PTK2: variants seen among roughly 807,000 people sequenced by gnomAD.
PTK2 encodes focal adhesion kinase 1.
A neutral mutation model predicts 150.1 loss-of-function variants in PTK2; 45 were observed. The observed-to-expected ratio is 0.30, with a 90% CI of 0.24 to 0.38. PTK2 has a LOEUF of 0.38. Ranked by LOEUF, PTK2 falls within the 10% of genes least tolerant of loss-of-function variation. The pLI, the probability that PTK2 is intolerant of heterozygous loss-of-function variation, is 1.00. For synonymous variants in PTK2, 432 were observed against 449.2 expected (o/e 0.96, Z 0.48); for missense variants, 919 against 1,307.3 (o/e 0.70, Z 4.58).
chr8:140,890,856 A>G (rs2100153992), intron 2 of PTK2, 87 bp from the exon 3 acceptor site: 1 of 1,138,378 alleles, frequency 8.8e-7, no homozygotes, highest in African/African-American at 1.5e-5. Context: ...CAAATGTCCT[A>G]TACTCTCTCT....
At chr8:140,717,447 G>A (rs577708910) in intron 23 of PTK2, 151 bp downstream of exon 26, 5 of 618,022 alleles carry the variant, frequency 8.1e-6, no homozygotes, top group African/African-American at 1.8e-5. Flanking sequence ...ACGAGAAGAC[G>A]AGCAAAAAGG....
chr8:140,859,359 G>A (rs2100134720), intron 5 of PTK2, among the ~76,000 whole-genome samples: 1 of 152,098 alleles, frequency 6.6e-6, no homozygotes, highest in South Asian at 2.1e-4. Context: ...CTGAGCAGTA[G>A]GGTCATGGGT....
intron 1 of PTK2, among the ~76,000 whole-genome samples, chr8:140,944,083 C>T (rs1217472188): frequency 6.6e-6 from 1 of 152,126 alleles, no homozygotes; most frequent in Non-Finnish European, 1.5e-5. Context: ...TATGCAAAGA[C>T]GGATTGAAAG....
intron 1 of PTK2, among the ~76,000 whole-genome samples, chr8:140,955,682 G>T (rs1375062): frequency 0.42 from 63,480 of 151,924 alleles, 15,172 homozygotes; most frequent in Non-Finnish European, 0.55. Context: ...GGAAATGAAC[G>T]ATAAAAGATC....
chr8:140,932,195 C>T (rs1196754740), intron 1 of PTK2, among the ~76,000 whole-genome samples: 2 of 152,090 alleles, frequency 1.3e-5, no homozygotes, highest in Non-Finnish European at 2.9e-5. Context: ...TAAAGTTTCA[C>T]TCTAAGAATA....
At chr8:140,857,946 C>T (rs189379417) in intron 5 of PTK2, among the ~76,000 whole-genome samples, 27 of 152,216 alleles carry the variant, frequency 1.8e-4, no homozygotes, top group Admixed American at 7.8e-4. Context: ...CAACAACAAA[C>T]GTGAAGAGCC....
chr8:140,705,371 C>T (rs577390586), intron 24 of PTK2, among the ~76,000 whole-genome samples: 1 of 152,114 alleles, frequency 6.6e-6, no homozygotes, highest in African/African-American at 2.4e-5. Flanking sequence ...AAAGATAAGC[C>T]CTAAAAAGCA....
chr8:140,777,625 C>G (rs1178743483), intron 14 of PTK2, among the ~76,000 whole-genome samples: 1 of 152,216 alleles, frequency 6.6e-6, no homozygotes, highest in Non-Finnish European at 1.5e-5. Flanking sequence ...CAATCCATAA[C>G]TAAACTCCCA....
intron 17 of PTK2, chr8:140,750,391 T>A (rs1417384225): frequency 6.6e-6 from 1 of 152,130 alleles, no homozygotes; most frequent in East Asian, 1.9e-4. Context: ...ATGGTCCTTA[T>A]CCCCAGGGAG....
chr8:140,735,590 T>C (rs1380820106), intron 21 of PTK2, 135 bp from the exon 25 acceptor site: 1 of 696,060 alleles, frequency 1.4e-6, no homozygotes, highest in Non-Finnish European at 2.5e-6. Flanking sequence ...CAAAGCAGCA[T>C]TATATTAACT....
At chr8:140,676,380 A>G (rs1273062152) in intron 27 of PTK2, among the ~76,000 whole-genome samples, 1 of 131,516 alleles carries the variant, frequency 7.6e-6, no homozygotes, top group African/African-American at 2.7e-5. Context: ...TGTCTCAAAA[A>G]AATTAATTAA....
chr8:140,849,113 A>G (rs934937045), intron 5 of PTK2, among the ~76,000 whole-genome samples: 5 of 152,226 alleles, frequency 3.3e-5, no homozygotes, highest in African/African-American at 1.2e-4. Context: ...TGTTTTTCCT[A>G]TAGCTTTAAT....
At chr8:140,760,377 CAA>C (rs1465886946) in intron 16 of PTK2, among the ~76,000 whole-genome samples, 1 of 152,044 alleles carries the variant, frequency 6.6e-6, no homozygotes, top group African/African-American at 2.4e-5. Flanking sequence ...TATATCTATA[CAA>C]AAGAGTATTA....
chr8:140,663,802 T>C (rs2084754653), intron 31 of PTK2, among the ~76,000 whole-genome samples: 1 of 152,014 alleles, frequency 6.6e-6, no homozygotes, highest in South Asian at 2.1e-4. Context: ...GCCTCCTGAG[T>C]AGCTACTGCA....
intron 2 of PTK2, among the ~76,000 whole-genome samples, chr8:140,895,491 C>CA (rs1178625243): frequency 6.6e-6 from 1 of 150,596 alleles, no homozygotes; most frequent in Non-Finnish European, 1.5e-5. Flanking sequence ...CACTGCACTC[C>CA]AGCCTGAGCA....
chr8:140,769,943 T>C (rs2100074598), intron 14 of PTK2, among the ~76,000 whole-genome samples: 1 of 152,238 alleles, frequency 6.6e-6, no homozygotes, highest in South Asian at 2.1e-4. Context: ...GGTTTCTACC[T>C]TCCTCAAAGG....
At chr8:140,979,927 G>T (rs962058425) in intron 1 of PTK2, among the ~76,000 whole-genome samples, 2 of 152,076 alleles carry the variant, frequency 1.3e-5, no homozygotes, top group South Asian at 2.1e-4. Context: ...ACCCAGTCTC[G>T]GATATGTCTT....
chr8:140,992,823 C>A (rs541890246), intron 1 of PTK2, among the ~76,000 whole-genome samples: 4 of 152,334 alleles, frequency 2.6e-5, no homozygotes, highest in Admixed American at 1.3e-4. Flanking sequence ...AACAGCAGCA[C>A]AGCAGCAAAA....
intron 1 of PTK2, among the ~76,000 whole-genome samples, chr8:140,978,950 T>C (rs888455253): frequency 4.6e-5 from 7 of 151,800 alleles, no homozygotes; most frequent in Non-Finnish European, 8.8e-5. Flanking sequence ...TGAGTTCATG[T>C]CCTTTGTAGG....
Sources: allele counts gnomAD v4.1 joint callset (sites outside exome capture counted in the v4.1 genomes callset), GRCh38; gene constraint gnomAD v4.1.1; transcripts MANE v1.5; gene names NCBI Gene and HGNC (gene_info 2026-07-23, HGNC 2026-07-21).